The following MDGA1 variants were observed in gnomAD, a reference collection of about 807,000 sequenced individuals.
MDGA1 encodes MAM domain-containing glycosylphosphatidylinositol anchor protein 1.
In MDGA1, 54 loss-of-function variants were observed where a neutral mutation model predicts 101.5. That is an observed-to-expected ratio of 0.53 (90% CI 0.43 to 0.67). The LOEUF is 0.67. Ranked by LOEUF, MDGA1 falls within the 30% of genes least tolerant of loss-of-function variation. The pLI, the probability that MDGA1 is intolerant of heterozygous loss-of-function variation, is 0.00. For synonymous variants in MDGA1, 533 were observed against 558.3 expected, an observed-to-expected ratio of 0.95 and a Z score of 0.64; for missense variants, 1,083 against 1,323.8, an observed-to-expected ratio of 0.82 and a Z score of 2.82.
At position 37,658,745 on chromosome 6, in the gene MDGA1, C is replaced by T. The variant is rs1203469586; in HGVS notation, c.208-326G>A. ...CCAGCACTTCGGGAGGCCAAGCGGG[C>T]GGATCACCTGAGCTCATGAGTTCGA... is the stretch of plus-strand genomic sequence containing the variant. On this transcript the variant is annotated intron_variant, in intron 2 of 16. Transcript: ENST00000434837. Among the ~76,000 whole-genome samples, 2 of 152,070 alleles carry T rather than the reference C, an allele frequency of 1.3e-5. 1 individual carries two copies. The highest frequency in any genetic ancestry group is 4.1e-4 in the South Asian group (2 of 4,828).
chr6:37,647,994 G>A (rs938750550), intron 9 of MDGA1, among the ~76,000 whole-genome samples: 4 of 152,162 alleles, frequency 2.6e-5, no homozygotes, highest in Non-Finnish European at 4.4e-5. Context: ...CTCCAGGGGC[G>A]CTGCCACCAG....
rs549945070 is a variant in MDGA1 at position 37,687,400 on chromosome 6, T to TAAAA, written c.67+9341_67+9344dup. 7.9e-4 allele frequency among the ~76,000 whole-genome samples: 102 copies of TAAAA among 128,930 alleles called. 1 individual carries two copies. The highest frequency in any genetic ancestry group is 4.0e-3 in the Middle Eastern group (1 of 250). The allele number at this position is 128,930 out of a possible 152,430, so 84.6% of individuals were successfully genotyped here. ...TGAGACCTCCATCTCTACTAAAAAT[T>TAAAA]AAAAAAAAAAAAAAAAAAGTTAGCC... On this transcript the variant is annotated intron_variant, in intron 1 of 16. Coordinates refer to ENST00000434837, the MANE Select transcript of MDGA1 (RefSeq NM_153487.4).
intron 13 of MDGA1, among the ~76,000 whole-genome samples, chr6:37,644,248 G>GAT (rs1414047999): frequency 2.6e-5 from 4 of 152,094 alleles, no homozygotes; most frequent in Non-Finnish European, 4.4e-5. Flanking sequence ...TCTTCCTCTT[G>GAT]ATCCTCTATC....
rs1183694475 is a variant in MDGA1 at position 37,687,446 on chromosome 6, G to GC, written c.67+9298_67+9299insG. Reference sequence around the variant, plus strand: ...TAGCCGGGCATGGTGGTGTATGCCTGTAGTCCCAGCTACTCACGAGGCTGA... The same window carrying GC: ...TAGCCGGGCATGGTGGTGTATGCCTGCTAGTCCCAGCTACTCACGAGGCTGA... On this transcript the variant is annotated intron_variant, in intron 1 of 16. Transcript: ENST00000434837. 4.0e-5 allele frequency among the ~76,000 whole-genome samples: 6 copies of GC among 150,998 alleles called. No homozygotes were observed. In the East Asian group the frequency reaches 1.2e-3, roughly 29 times the overall value.
At chr6:37,651,896 G>A (rs1761371060) in intron 7 of MDGA1, 115 bp downstream of exon 7, 1 of 815,994 alleles carries the variant, frequency 1.2e-6, no homozygotes, top group Admixed American at 2.9e-5. Flanking sequence ...GCATGAACAA[G>A]TGGTGGCCTC....
At chr6:37,640,108 G>A (rs929508140) in intron 14 of MDGA1, among the ~76,000 whole-genome samples, 2 of 152,128 alleles carry the variant, frequency 1.3e-5, no homozygotes, top group Admixed American at 6.5e-5. Flanking sequence ...AGAGTTCACC[G>A]GAAGGATAGA....
intron 1 of MDGA1, among the ~76,000 whole-genome samples, chr6:37,694,520 A>T (rs531015692): frequency 6.6e-6 from 1 of 152,058 alleles, no homozygotes; most frequent in South Asian, 2.1e-4. Context: ...GCGGGTACAG[A>T]AAGACTGCTG....
intron 1 of MDGA1, among the ~76,000 whole-genome samples, chr6:37,684,650 T>C (rs1762161249): frequency 6.6e-6 from 1 of 152,318 alleles, no homozygotes. Context: ...CTTCCTGCAA[T>C]GAATCTGGAA....
chr6:37,672,537 C>G (rs1348220240), intron 1 of MDGA1, among the ~76,000 whole-genome samples: 1 of 152,046 alleles, frequency 6.6e-6, no homozygotes, highest in Non-Finnish European at 1.5e-5. Context: ...GGGAAATGAC[C>G]AAAGAACAGG....
chr6:37,684,608 G>A (rs1762160243), intron 1 of MDGA1, among the ~76,000 whole-genome samples: 1 of 152,186 alleles, frequency 6.6e-6, no homozygotes. Context: ...GTGTGACCTT[G>A]ATAAGCCACT....
intron 1 of MDGA1, among the ~76,000 whole-genome samples, chr6:37,679,063 T>C (rs1458802286): frequency 6.6e-6 from 1 of 152,106 alleles, no homozygotes; most frequent in East Asian, 1.9e-4. Flanking sequence ...AGAAATGCAA[T>C]ACCTGCCCTC....
intron 1 of MDGA1, among the ~76,000 whole-genome samples, chr6:37,680,170 TG>T (rs954598433): frequency 1.3e-5 from 2 of 151,858 alleles, no homozygotes; most frequent in African/African-American, 4.8e-5. Flanking sequence ...AAGGCAAAGG[TG>T]GGGATGGAAG....
chr6:37,647,333 G>T lies in MDGA1; in HGVS notation c.1895-9C>A. 6.6e-7 allele frequency: 1 copy of T among 1,524,418 alleles called. No homozygotes were observed. The highest frequency in any genetic ancestry group is 8.9e-7 in the Non-Finnish European group (1 of 1,129,416). The allele number at this position is 1,524,418 out of a possible 1,614,324, so 94.4% of individuals were successfully genotyped here. On this transcript the variant is annotated splice_polypyrimidine_tract_variant and intron_variant, in intron 9 of 16. Coordinates refer to ENST00000434837, the MANE Select transcript of MDGA1 (RefSeq NM_153487.4). ...CGGGCTGTAGGCTTTGGCTAAGAGGGCGGGGAGGGGGGCATTGGGCCGTGG... is the reference window on the plus strand; with the variant it reads ...CGGGCTGTAGGCTTTGGCTAAGAGGTCGGGGAGGGGGGCATTGGGCCGTGG...
chr6:37,644,688 CTT>C, intron 12 of MDGA1, 39 bp from the exon 13 acceptor site: 1 of 1,485,510 alleles, frequency 6.7e-7, no homozygotes, highest in Non-Finnish European at 9.0e-7. Flanking sequence ...GAGTCAGCCT[CTT>C]CAGTCCCTGA....
Position 37,637,428 on chromosome 6 carries a change from G to A in MDGA1, c.2808C>T (p.Cys936=). ...GCCCCCACAGCTGTGGGCTGGACTG[G>A]CAGGGGGCTCCACTGCCCGGCATCA... ...VVVMPGSGAP[C]QSSPQLWGPM... is the part of the protein sequence containing the mutation. The change falls in exon 17 of 17, where the codon TGC becomes TGT. Residue 936 remains cysteine (C), a synonymous_variant. Transcript: ENST00000434837. 1 of 1,613,516 alleles carries A rather than the reference G, an allele frequency of 6.2e-7. No homozygotes were observed. Among genetic ancestry groups the A allele is most frequent in the Non-Finnish European group, 8.5e-7 (1 of 1,179,720 alleles).
chr6:37,657,168 AAT>A (rs200507234), intron 3 of MDGA1, among the ~76,000 whole-genome samples: 7,536 of 150,794 alleles, frequency 0.05, 354 homozygotes, highest in East Asian at 0.22. Flanking sequence ...TTAAAAAAAT[AAT>A]TAAAAAGCTT....
intron 1 of MDGA1, among the ~76,000 whole-genome samples, chr6:37,693,860 GC>G (rs1342392055): frequency 2.0e-5 from 3 of 152,198 alleles, no homozygotes; most frequent in Non-Finnish European, 4.4e-5. Context: ...TAGCATCTGT[GC>G]CCCAAAGAAC....
rs566744677 is a variant in MDGA1 at position 37,658,227 on chromosome 6, G to C, written c.382+18C>G. Reference sequence around the variant, plus strand: ...GCTGGGCTGTCAGGGCCCGGGGAGAGAGGGGGCCTCAACTCACACTGCACG... The same window carrying C: ...GCTGGGCTGTCAGGGCCCGGGGAGACAGGGGGCCTCAACTCACACTGCACG... On this transcript the variant is annotated intron_variant, in intron 3 of 16. Coordinates refer to ENST00000434837, the MANE Select transcript of MDGA1 (RefSeq NM_153487.4). 1.3e-6 allele frequency: 2 copies of C among 1,557,802 alleles called. No homozygotes were observed. Among genetic ancestry groups the C allele is most frequent in the Admixed American group, 1.8e-5 (1 of 55,962 alleles).
chr6:37,652,263 T>G lies in MDGA1; in HGVS notation c.1060A>C (p.Lys354Gln). 1.2e-6 allele frequency: 2 copies of G among 1,614,010 alleles called. No homozygotes were observed. Among genetic ancestry groups the G allele is most frequent in the Non-Finnish European group, 1.7e-6 (2 of 1,179,884 alleles). ...SENIQLGQDL[K>Q]LSCHVDAVPQ... ...ACTGCATCCACGTGGCACGATAGCT[T>G]CAGGTCCTGGCCCAGCTGGATGTTC... The change falls in exon 7 of 17, where the codon AAG becomes CAG. Residue 354 changes from lysine to glutamine, a missense_variant. By Grantham distance (53) the Lys-to-Gln change is moderately conservative (BLOSUM62 1). Around this residue, in one of 3 missense-constraint regions of MDGA1, gnomAD observed 116 missense variants for 196.6 expected, o/e 0.59. Transcript: ENST00000434837. This position sits in a 1 kb window ranked among gnomAD's most constrained non-coding sequence, Gnocchi z 4.3.
Sources: gnomAD v4.1 joint callset for allele counts (sites outside exome capture counted in the v4.1 genomes callset) on GRCh38, gnomAD v4.1.1 for gene constraint, gnomAD v4.1.1 regional missense constraint, Gnocchi (gnomAD v3.1) non-coding constraint, MANE v1.5 for transcripts, NCBI Gene and HGNC (gene_info 2026-07-23, HGNC 2026-07-21) for gene names.